LRBA: variants seen among roughly 807,000 people sequenced by gnomAD.
The protein encoded by LRBA is LPS responsive beige-like anchor protein, also known as lipopolysaccharide-responsive and beige-like anchor protein.
A neutral mutation model predicts 330.0 loss-of-function variants in LRBA; 176 were observed. The ratio of observed to expected loss-of-function variants is 0.53; its 90% confidence interval spans 0.47 to 0.60. The LOEUF (loss-of-function observed/expected upper bound fraction) is 0.60. Ranked by LOEUF, LRBA falls within the 20% of genes least tolerant of loss-of-function variation. The pLI, the probability that LRBA is intolerant of heterozygous loss-of-function variation, is 0.00. For missense variants in LRBA, 3,259 were observed against 3,444.8 expected (o/e 0.95, Z 1.35); for synonymous variants, 1,230 against 1,193.0 (o/e 1.03, Z -0.64).
intron 34 of LRBA, among the ~76,000 whole-genome samples, chr4:150,762,491 T>C (rs934571515): frequency 2.0e-5 from 3 of 151,786 alleles, no homozygotes; most frequent in Non-Finnish European, 4.4e-5. Context: ...AATCAATCAA[T>C]AGAGTATGTA....
chr4:150,828,577 C>T lies in LRBA; in HGVS notation c.4774G>A (p.Glu1592Lys). The T allele has an allele frequency of 1.2e-6, 2 of 1,614,026 alleles. No homozygotes were observed. The highest frequency in any genetic ancestry group is 1.7e-6 in the Non-Finnish European group (2 of 1,179,978). The part of the protein sequence containing the change: ...AFSTLTTASV[E>K]ESESTSSARR... ...GCAGATGATGTGCTTTCAGATTCTT[C>T]CACTGATGCCGTAGTTAAAGTGCTG... Residue 1592 changes from glutamate (E) to lysine (K), a missense_variant, in exon 30 of 57, where the codon GAA becomes AAA. Coordinates refer to ENST00000651943, the MANE Select transcript of LRBA (RefSeq NM_001364905.1).
intron 40 of LRBA, among the ~76,000 whole-genome samples, chr4:150,573,593 T>C (rs1770153158): frequency 6.6e-6 from 1 of 152,176 alleles, no homozygotes; most frequent in African/African-American, 2.4e-5. Context: ...TATCTTTTCT[T>C]GCCTCAATTC....
At position 150,264,720 on chromosome 4, in the gene LRBA, A is replaced by C. The variant is rs1454579642; in HGVS notation, c.*1002T>G. On this transcript the variant is annotated 3_prime_UTR_variant, in exon 57 of 57. Coordinates refer to ENST00000651943, the MANE Select transcript of LRBA (RefSeq NM_001364905.1). ...GCCTTTTCTCAAATATTTTTCACAG[A>C]ATTCCACACAGTAATCTACTAGAAA... The C allele has an allele frequency of 6.5e-6, 1 of 152,684 alleles. No homozygotes were observed. 9.5% of individuals were successfully genotyped at this position (152,684 alleles called of 1,614,324 possible).
chr4:150,325,311 C>T (rs1561016153), intron 49 of LRBA, among the ~76,000 whole-genome samples: 1 of 152,108 alleles, frequency 6.6e-6, no homozygotes, highest in Non-Finnish European at 1.5e-5. Context: ...TTGTTTTAAG[C>T]CACTAAGTTT....
Position 150,599,073 on chromosome 4 carries a change from G to A in LRBA, c.5980C>T (p.Arg1994Ter), listed in dbSNP as rs760342862. Residue 1994 changes from arginine to a stop codon, truncating the protein, a stop_gained, in exon 38 of 57, where the codon CGA (arginine) becomes TGA (stop). Transcript: ENST00000651943. LOFTEE classifies it high-confidence loss of function. The part of the protein sequence containing the change: ...YWEDDLRRRR[R>*]FVRNPLGSTH... ...GATCCTAGAGGGTTACGCACAAATC[G>A]TCGCCGGCGCCGCAAGTCATCTTCC... 1.2e-6 allele frequency: 2 copies of A among 1,614,040 alleles called. No individual in the cohort carries two copies. Among genetic ancestry groups the A allele is most frequent in the South Asian group, 1.1e-5 (1 of 91,080 alleles).
chr4:150,746,541 C>A (rs1257571615), intron 35 of LRBA, among the ~76,000 whole-genome samples: 1 of 142,202 alleles, frequency 7.0e-6, no homozygotes, highest in Non-Finnish European at 1.5e-5. Context: ...GACAGAGTCT[C>A]GCTCCATCGC....
intron 2 of LRBA, among the ~76,000 whole-genome samples, chr4:150,944,256 A>G (rs532891850): frequency 6.6e-6 from 1 of 152,358 alleles, no homozygotes; most frequent in East Asian, 1.9e-4. Flanking sequence ...GTACAGTTAC[A>G]AATCAGTAAT....
chr4:150,953,848 C>A (rs1004802306), intron 2 of LRBA, among the ~76,000 whole-genome samples: 16 of 150,800 alleles, frequency 1.1e-4, no homozygotes, highest in Non-Finnish European at 2.1e-4. Flanking sequence ...AGGAGCCCCT[C>A]TGCCTGGCTG....
upstream of LRBA, chr4:151,015,449 G>A (rs1351052126): frequency 6.5e-6 from 1 of 153,228 alleles, no homozygotes. Context: ...AGGGAGAGAA[G>A]GGAGGACAGA....
chr4:150,425,553 A>G (rs1010634021), intron 46 of LRBA, among the ~76,000 whole-genome samples: 15 of 152,196 alleles, frequency 9.9e-5, no homozygotes, highest in African/African-American at 4.8e-5. Flanking sequence ...GCATAATGAC[A>G]AGGATTGGTT....
intron 39 of LRBA, among the ~76,000 whole-genome samples, chr4:150,588,561 G>T (rs534060473): frequency 1.3e-5 from 2 of 152,152 alleles, no homozygotes; most frequent in Non-Finnish European, 2.9e-5. Context: ...CAGGAGCAAA[G>T]AAGCCTCAAT....
intron 2 of LRBA, among the ~76,000 whole-genome samples, chr4:150,950,085 T>A (rs895345847): frequency 6.6e-6 from 1 of 152,172 alleles, no homozygotes; most frequent in Non-Finnish European, 1.5e-5. Context: ...TGAAGGCTAA[T>A]AAATCATCTA....
chr4:150,906,256 G>A (rs533267706), intron 12 of LRBA, 41 bp downstream of exon 12: 5 of 1,292,978 alleles, frequency 3.9e-6, no homozygotes, highest in South Asian at 3.8e-5. Context: ...TGTATGGCCT[G>A]TAAATTAAGA....
chr4:150,359,595 T>C (rs1014876983), intron 47 of LRBA, among the ~76,000 whole-genome samples: 2 of 152,196 alleles, frequency 1.3e-5, no homozygotes, highest in Non-Finnish European at 2.9e-5. Context: ...AGTATTAATA[T>C]TTTGGACTTC....
At chr4:150,380,077 G>A (rs1741976210) in intron 47 of LRBA, among the ~76,000 whole-genome samples, 1 of 150,904 alleles carries the variant, frequency 6.6e-6, no homozygotes, top group Admixed American at 6.6e-5. Context: ...TACTCGGGAG[G>A]CTGAGGCAGG....
chr4:150,768,735 G>A (rs1736119248), intron 34 of LRBA, among the ~76,000 whole-genome samples: 1 of 71,376 alleles, frequency 1.4e-5, no homozygotes, highest in Non-Finnish European at 6.1e-5. Context: ...AGACATTTGA[G>A]GAAACCCTCT....
intron 2 of LRBA, among the ~76,000 whole-genome samples, chr4:150,994,023 C>T (rs1322821559): frequency 2.0e-5 from 3 of 149,780 alleles, no homozygotes; most frequent in Non-Finnish European, 1.5e-5. Context: ...CGAGATCATA[C>T]CACTGCACTC....
intron 5 of LRBA, among the ~76,000 whole-genome samples, chr4:150,917,992 T>G (rs1732827672): frequency 6.6e-6 from 1 of 152,052 alleles, no homozygotes; most frequent in Non-Finnish European, 1.5e-5. Flanking sequence ...AACCTACCAT[T>G]AATATAAAGC....
intron 40 of LRBA, among the ~76,000 whole-genome samples, chr4:150,535,471 T>C (rs1182370763): frequency 1.3e-5 from 2 of 152,234 alleles, no homozygotes; most frequent in Admixed American, 1.3e-4. Flanking sequence ...CTCATTTTTC[T>C]TGATTTTCTC....
Sources: allele counts gnomAD v4.1 joint callset (sites outside exome capture counted in the v4.1 genomes callset), GRCh38; gene constraint gnomAD v4.1.1; transcripts MANE v1.5; gene names NCBI Gene and HGNC (gene_info 2026-07-23, HGNC 2026-07-21).